The following THSD7B variants were observed in gnomAD, a reference collection of about 807,000 sequenced individuals.
THSD7B encodes thrombospondin type 1 domain containing 7B, also known as thrombospondin type-1 domain-containing protein 7B.
A neutral mutation model predicts 213.6 loss-of-function variants in THSD7B; 138 were observed. The ratio of observed to expected loss-of-function variants is 0.65; its 90% CI spans 0.56 to 0.74. The LOEUF is 0.74. Ranked by LOEUF, THSD7B falls within the 30% of genes least tolerant of loss-of-function variation. The pLI is 0.00. For synonymous variants in THSD7B, 742 were observed against 687.0 expected (o/e 1.08, Z -1.25); for missense variants, 1,931 against 1,991.5 (o/e 0.97, Z 0.58).
chr2:137,040,313 T>C (rs1412400541), intron 2 of THSD7B, among the ~76,000 whole-genome samples: 1 of 152,008 alleles, frequency 6.6e-6, no homozygotes, highest in African/African-American at 2.4e-5. Context: ...CTTCTCTTCC[T>C]CTAGGTGGAA....
intron 2 of THSD7B, among the ~76,000 whole-genome samples, chr2:136,930,594 G>T (rs11890347): frequency 0.074 from 11,265 of 152,186 alleles, 673 homozygotes; most frequent in African/African-American, 0.16. Context: ...GAAAATGACT[G>T]CCAGCATCCA....
Position 137,452,735 on chromosome 2 carries a change from T to C in THSD7B, c.3138+1712T>C, listed in dbSNP as rs748269699. 2.0e-5 allele frequency among the ~76,000 whole-genome samples: 3 copies of C among 152,160 alleles called. No homozygotes were observed. The East Asian group carries it at 5.8e-4, about 29-fold the overall frequency. On this transcript the variant is annotated intron_variant, in intron 15 of 27. Transcript: ENST00000409968. Reference sequence around the variant, plus strand: ...TTCTCAGTATGTGTAGGCAAATGTATGGACATGTCTATAACATTTGAGAGT... The same window carrying C: ...TTCTCAGTATGTGTAGGCAAATGTACGGACATGTCTATAACATTTGAGAGT...
intron 2 of THSD7B, among the ~76,000 whole-genome samples, chr2:136,960,209 C>T (rs1408078766): frequency 6.6e-6 from 1 of 152,110 alleles, no homozygotes; most frequent in Non-Finnish European, 1.5e-5. Flanking sequence ...TTCACTGTGG[C>T]CTCCACCTCC....
intron 17 of THSD7B, among the ~76,000 whole-genome samples, chr2:137,584,768 G>A (rs1488153910): frequency 6.6e-6 from 1 of 152,192 alleles, no homozygotes; most frequent in Non-Finnish European, 1.5e-5. Context: ...TTGCATCGAT[G>A]TTCATAAGGG....
chr2:137,361,756 A>T (rs1685267993), intron 12 of THSD7B, among the ~76,000 whole-genome samples: 1 of 152,224 alleles, frequency 6.6e-6, no homozygotes, highest in Non-Finnish European at 1.5e-5. Flanking sequence ...TCTACGTTTG[A>T]TTGGTGTACC....
chr2:137,656,523 C>T (rs540861467), intron 22 of THSD7B, among the ~76,000 whole-genome samples: 1 of 152,272 alleles, frequency 6.6e-6, no homozygotes, highest in South Asian at 2.1e-4. Context: ...TTAACACTAG[C>T]AGATACATAA....
intron 10 of THSD7B, among the ~76,000 whole-genome samples, chr2:137,254,248 C>T (rs547160893): frequency 2.6e-5 from 4 of 152,244 alleles, no homozygotes; most frequent in Admixed American, 2.6e-4. Flanking sequence ...AATAAGTATG[C>T]TAGGAATGAT....
At chr2:137,456,277 A>C (rs1214822599) in intron 15 of THSD7B, among the ~76,000 whole-genome samples, 1 of 152,176 alleles carries the variant, frequency 6.6e-6, no homozygotes, top group African/African-American at 2.4e-5. Context: ...AAGATATACA[A>C]ATATATTTTA....
At chr2:137,334,543 C>T (rs1684594062) in intron 12 of THSD7B, among the ~76,000 whole-genome samples, 1 of 152,124 alleles carries the variant, frequency 6.6e-6, no homozygotes, top group Non-Finnish European at 1.5e-5. Flanking sequence ...CCTTCATCCT[C>T]GGATTCCTCC....
chr2:137,120,430 A>T (rs1032914367), intron 5 of THSD7B, among the ~76,000 whole-genome samples: 2 of 151,674 alleles, frequency 1.3e-5, no homozygotes. Flanking sequence ...GTGGAGGAAG[A>T]AAAAGAAGGG....
At chr2:137,214,737 C>T (rs1420198840) in intron 7 of THSD7B, among the ~76,000 whole-genome samples, 1 of 152,156 alleles carries the variant, frequency 6.6e-6, no homozygotes, top group East Asian at 1.9e-4. Flanking sequence ...CCAGCTTCAT[C>T]CATGTCCCTG....
intron 15 of THSD7B, among the ~76,000 whole-genome samples, chr2:137,457,211 A>G (rs1165211354): frequency 6.6e-6 from 1 of 152,200 alleles, no homozygotes; most frequent in African/African-American, 2.4e-5. Flanking sequence ...AGCTGTCAGA[A>G]TCAATCATGA....
intron 15 of THSD7B, among the ~76,000 whole-genome samples, chr2:137,478,027 T>C (rs564730655): frequency 6.6e-6 from 1 of 152,258 alleles, no homozygotes; most frequent in South Asian, 2.1e-4. Context: ...CTTTTTCTTT[T>C]TTGTTTGACG....
chr2:137,118,903 G>C (rs1052826037), intron 5 of THSD7B, among the ~76,000 whole-genome samples: 1 of 152,146 alleles, frequency 6.6e-6, no homozygotes, highest in Non-Finnish European at 1.5e-5. Context: ...CAGCAGACAA[G>C]AAAGAATGAG....
rs146371145 is a variant in THSD7B at position 136,868,765 on chromosome 2, A to G, written c.-35-13379A>G. 3.3e-5 allele frequency among the ~76,000 whole-genome samples: 5 copies of G among 152,244 alleles called. No homozygotes were observed. In the East Asian group the frequency reaches 9.7e-4, roughly 29 times the overall value. ...GCCTACATAAAATCTCTCTTTCTCG[A>G]CAACATTCACATATATGTGTGTATG... is the stretch of plus-strand genomic sequence containing the variant. On this transcript the variant is annotated intron_variant, in intron 1 of 27. Transcript: ENST00000409968.
chr2:137,297,260 G>A (rs1260658559), intron 12 of THSD7B, among the ~76,000 whole-genome samples: 1 of 149,108 alleles, frequency 6.7e-6, no homozygotes, highest in Non-Finnish European at 1.5e-5. Flanking sequence ...CTCCAGCTGG[G>A]GTGACAGAGC....
intron 5 of THSD7B, among the ~76,000 whole-genome samples, chr2:137,151,309 T>G (rs1679814367): frequency 6.6e-6 from 1 of 152,136 alleles, no homozygotes. Flanking sequence ...CATTTTTAAC[T>G]TTTTTTATTT....
At chr2:137,039,464 G>A (rs556221172) in intron 2 of THSD7B, among the ~76,000 whole-genome samples, 4 of 152,310 alleles carry the variant, frequency 2.6e-5, no homozygotes, top group African/African-American at 7.2e-5. Flanking sequence ...GGCCAAGGTT[G>A]TTGCTAAACA....
At chr2:137,466,482 A>T (rs992964158) in intron 15 of THSD7B, among the ~76,000 whole-genome samples, 3 of 151,946 alleles carry the variant, frequency 2.0e-5, no homozygotes, top group Non-Finnish European at 2.9e-5. Context: ...ACATTATGAG[A>T]TGGTTTTTTT....
Sources: gnomAD v4.1 joint callset for allele counts (sites outside exome capture counted in the v4.1 genomes callset) on GRCh38, gnomAD v4.1.1 for gene constraint, MANE v1.5 for transcripts, NCBI Gene and HGNC (gene_info 2026-07-23, HGNC 2026-07-21) for gene names.